Variants in SYT16 observed in about 807,000 individuals in gnomAD.
SYT16 encodes the protein synaptotagmin 16.
Under a neutral mutation model 61.4 loss-of-function variants are expected in SYT16, and 42 were observed. The observed-to-expected ratio is 0.68, with a 90% CI of 0.53 to 0.89. SYT16 has a LOEUF of 0.89. Ranked by LOEUF, SYT16 falls within the 40% of genes least tolerant of loss-of-function variation. The pLI is 0.00. For missense variants in SYT16, 804 were observed against 807.3 expected (o/e 1.00, Z 0.05); for synonymous variants, 314 against 302.3 (o/e 1.04, Z -0.40).
chr14:61,872,326 A>C (rs988086111), intron 1 of SYT16, among the ~76,000 whole-genome samples: 3 of 152,198 alleles, frequency 2.0e-5, no homozygotes, highest in African/African-American at 7.2e-5. Context: ...AGATCAAGTC[A>C]GGGTAATTGG....
chr14:62,004,928 C>T (rs1484492497), intron 3 of SYT16, among the ~76,000 whole-genome samples: 1 of 152,168 alleles, frequency 6.6e-6, no homozygotes, highest in Non-Finnish European at 1.5e-5. Context: ...CTTGACATCA[C>T]CTAAATGGGG....
At chr14:62,054,129 C>T (rs1397821067) in intron 3 of SYT16, among the ~76,000 whole-genome samples, 1 of 152,162 alleles carries the variant, frequency 6.6e-6, no homozygotes, top group Non-Finnish European at 1.5e-5. Context: ...TGTGTGATAG[C>T]AGGCATCCAC....
At chr14:62,019,345 C>T (rs1028372217) in intron 3 of SYT16, among the ~76,000 whole-genome samples, 1 of 152,134 alleles carries the variant, frequency 6.6e-6, no homozygotes, top group Non-Finnish European at 1.5e-5. Flanking sequence ...GAGTCAGTCC[C>T]ATTTTTTAAC....
At chr14:61,966,188 C>T (rs1016206499) in intron 1 of SYT16, among the ~76,000 whole-genome samples, 1 of 152,018 alleles carries the variant, frequency 6.6e-6, no homozygotes, top group Non-Finnish European at 1.5e-5. Context: ...TTTTGAGTAA[C>T]ATAAGGGCCA....
At chr14:62,076,769 A>C (rs963441962) in intron 5 of SYT16, among the ~76,000 whole-genome samples, 8 of 152,220 alleles carry the variant, frequency 5.3e-5, no homozygotes, top group Admixed American at 1.3e-4. Context: ...TCTCTCTCCC[A>C]AAAACAAAAC....
chr14:62,026,189 T>A (rs1405353818), intron 3 of SYT16, among the ~76,000 whole-genome samples: 1 of 152,210 alleles, frequency 6.6e-6, no homozygotes, highest in Non-Finnish European at 1.5e-5. Context: ...ATAGCATGGA[T>A]CACAATGAGT....
intron 1 of SYT16, among the ~76,000 whole-genome samples, chr14:61,902,707 A>G (rs2048565464): frequency 6.6e-6 from 1 of 152,192 alleles, no homozygotes; most frequent in Non-Finnish European, 1.5e-5. Flanking sequence ...GGTAATTTAT[A>G]AAGAAAAAGG....
In SYT16 at chr14:62,100,429, G is replaced by C; in HGVS notation, c.1660G>C (p.Gly554Arg). 6.2e-7 allele frequency: 1 copy of C among 1,612,524 alleles called. No homozygotes were observed. The highest frequency in any genetic ancestry group is 8.5e-7 in the Non-Finnish European group (1 of 1,179,288). Residue 554 changes from glycine (G) to arginine (R), a missense_variant, in exon 8 of 8, where the codon GGT becomes CGT. By Grantham distance (125) the Gly-to-Arg change is moderately radical. Coordinates refer to ENST00000683842, the MANE Select transcript of SYT16 (RefSeq NM_001367656.1). ...AAAACTCTTTCTCCTCAATTCTGTG[G>C]GTCAAGAGATGTCCCGTTGCAAGAC... is the stretch of plus-strand genomic sequence containing the variant. The part of the protein sequence containing the change: ...YGKLFLLNSV[G>R]QEMSRCKTSI...
intron 1 of SYT16, among the ~76,000 whole-genome samples, chr14:61,968,203 G>T (rs1259884047): frequency 6.6e-6 from 1 of 152,184 alleles, no homozygotes; most frequent in Non-Finnish European, 1.5e-5. Flanking sequence ...GGAGGTTGCA[G>T]TGAGCCAGGA....
At chr14:62,011,206 A>G (rs2053434416) in intron 3 of SYT16, among the ~76,000 whole-genome samples, 1 of 152,190 alleles carries the variant, frequency 6.6e-6, no homozygotes, top group African/African-American at 2.4e-5. Flanking sequence ...ATCTGGTTTC[A>G]TGGGGAGTTC....
At chr14:61,875,562 A>G (rs576196056) in intron 1 of SYT16, among the ~76,000 whole-genome samples, 2 of 152,256 alleles carry the variant, frequency 1.3e-5, no homozygotes, top group Non-Finnish European at 2.9e-5. Flanking sequence ...TTTAAGCAGC[A>G]AATGAATTGT....
chr14:62,008,036 A>G (rs1566759165), intron 3 of SYT16, among the ~76,000 whole-genome samples: 1 of 152,026 alleles, frequency 6.6e-6, no homozygotes, highest in Non-Finnish European at 1.5e-5. Flanking sequence ...CAAAATCAAT[A>G]AGGTCTTTTT....
chr14:62,019,528 C>T (rs947810842), intron 3 of SYT16, among the ~76,000 whole-genome samples: 1 of 152,160 alleles, frequency 6.6e-6, no homozygotes. Flanking sequence ...TGTACAAACC[C>T]AGGCACAGAA....
At chr14:62,022,892 AT>A (rs757850448) in intron 3 of SYT16, among the ~76,000 whole-genome samples, 3 of 152,088 alleles carry the variant, frequency 2.0e-5, no homozygotes, top group African/African-American at 4.8e-5. Flanking sequence ...TAGATTTTCC[AT>A]TTGAGTCCCC....
At chr14:62,083,557 G>A (rs970426287) in intron 6 of SYT16, among the ~76,000 whole-genome samples, 8 of 152,172 alleles carry the variant, frequency 5.3e-5, no homozygotes, top group East Asian at 1.9e-4. Context: ...CTGCCAGGTC[G>A]CTGAGACCCA....
chr14:61,978,953 T>C (rs1473309890), intron 2 of SYT16, among the ~76,000 whole-genome samples: 2 of 152,256 alleles, frequency 1.3e-5, no homozygotes, highest in Non-Finnish European at 1.5e-5. Flanking sequence ...CCAACTTTAA[T>C]TTAAATTCAA....
At chr14:62,010,922 G>C (rs1166904633) in intron 3 of SYT16, among the ~76,000 whole-genome samples, 1 of 152,140 alleles carries the variant, frequency 6.6e-6, no homozygotes, top group African/African-American at 2.4e-5. Flanking sequence ...TTAGAAAACT[G>C]TTCTTCAACA....
chr14:62,099,114 A>G (rs1028848024), intron 7 of SYT16, among the ~76,000 whole-genome samples: 5 of 152,206 alleles, frequency 3.3e-5, no homozygotes, highest in Admixed American at 6.5e-5. Flanking sequence ...AGTCTACACC[A>G]AGAAATTGAG....
At chr14:61,996,642 C>G (rs1222712055) in intron 3 of SYT16, 100 bp downstream of exon 3, 1 of 1,416,784 alleles carries the variant, frequency 7.1e-7, no homozygotes, top group Non-Finnish European at 9.5e-7. Context: ...TTTTATTTTT[C>G]TCTCTCTTAT....
Sources: allele counts gnomAD v4.1 joint callset (sites outside exome capture counted in the v4.1 genomes callset), GRCh38; gene constraint gnomAD v4.1.1; transcripts MANE v1.5; gene names NCBI Gene and HGNC (gene_info 2026-07-23, HGNC 2026-07-21).